Variants in GGA2 observed in about 807,000 individuals in gnomAD.
GGA2 encodes the protein golgi associated, gamma adaptin ear containing, ARF binding protein 2, also known as ADP-ribosylation factor-binding protein GGA2.
Under a neutral mutation model 79.5 loss-of-function variants are expected in GGA2, and 48 were observed. The ratio of observed to expected loss-of-function variants is 0.60; its 90% CI spans 0.48 to 0.77. GGA2 has a LOEUF of 0.77. Ranked by LOEUF, GGA2 falls within the 30% of genes least tolerant of loss-of-function variation. The pLI, the probability that GGA2 is intolerant of heterozygous loss-of-function variation, is 0.00. For synonymous variants in GGA2, 317 were observed against 302.0 expected, an observed-to-expected ratio of 1.05 and a Z score of -0.51; for missense variants, 770 against 774.0, an observed-to-expected ratio of 0.99 and a Z score of 0.06.
intron 1 of GGA2, among the ~76,000 whole-genome samples, chr16:23,507,752 A>G (rs1317605371): frequency 1.3e-5 from 2 of 152,186 alleles, no homozygotes; most frequent in African/African-American, 4.8e-5. Context: ...GAGAGCCGAG[A>G]TGGCACCACT....
chr16:23,506,463 G>A (rs1964974816), intron 1 of GGA2, among the ~76,000 whole-genome samples: 1 of 152,176 alleles, frequency 6.6e-6, no homozygotes, highest in Admixed American at 6.5e-5. Flanking sequence ...TCAGCGGGGA[G>A]ATGGGTAGGA....
At chr16:23,490,754 G>T (rs929255705) in intron 5 of GGA2, among the ~76,000 whole-genome samples, 2 of 149,296 alleles carry the variant, frequency 1.3e-5, no homozygotes, top group Admixed American at 1.3e-4. Flanking sequence ...AAAAAAAAAA[G>T]AAGTAAATAA....
At chr16:23,486,236 TGA>T in intron 7 of GGA2, 84 bp from the exon 8 acceptor site, 3 of 1,269,132 alleles carry the variant, frequency 2.4e-6, no homozygotes, top group South Asian at 1.3e-5. Flanking sequence ...GAGTCACTAT[TGA>T]GAGAGCTCGC....
intron 1 of GGA2, among the ~76,000 whole-genome samples, chr16:23,505,296 C>T (rs924325065): frequency 8.5e-5 from 13 of 152,138 alleles, no homozygotes; most frequent in African/African-American, 1.4e-4. Context: ...TCCCTGGTAG[C>T]GCTACCAGAG....
chr16:23,465,259 A>G lies in GGA2; in HGVS notation c.*2331T>C, dbSNP rs1309527581. On this transcript the variant is annotated 3_prime_UTR_variant, in exon 17 of 17. Coordinates refer to ENST00000309859, the MANE Select transcript of GGA2 (RefSeq NM_015044.4). ...CTCAGCCTCCCAAAATGCTGGGATT[A>G]TAGGCGTGAGCCACTGTGCACAGCC... is the stretch of plus-strand genomic sequence containing the variant. 1 of 686,978 alleles carries G rather than the reference A, an allele frequency of 1.5e-6. No individual in the cohort carries two copies. Among genetic ancestry groups the G allele is most frequent in the Non-Finnish European group, 2.7e-6 (1 of 376,566 alleles). The allele number at this position is 686,978 out of a possible 1,614,324, so 42.6% of individuals were successfully genotyped here.
chr16:23,510,516 T>G (rs1596998795), upstream of GGA2: 1 of 434,096 alleles, frequency 2.3e-6, no homozygotes, highest in Non-Finnish European at 3.8e-6. Flanking sequence ...GGTGGACACG[T>G]GACGGGGCGG....
In GGA2 at chr16:23,495,561, T is replaced by C. The variant is rs563166094; in HGVS notation, c.176+133A>G. 881 of 470,332 alleles carry C rather than the reference T, an allele frequency of 1.9e-3. 3 individuals carry two copies. The highest frequency in any genetic ancestry group is 2.7e-3 in the Non-Finnish European group (699 of 261,538). The allele number at this position is 470,332 out of a possible 1,614,324, so 29.1% of individuals were successfully genotyped here. A position where few individuals can be genotyped will look rare whatever the true frequency, so the allele number is the denominator to read the frequency against. On this transcript the variant is annotated intron_variant, in intron 2 of 16. Coordinates refer to ENST00000309859, the MANE Select transcript of GGA2 (RefSeq NM_015044.4). ...ATCCTCCTGCCTTGGTCTCCCAAAC[T>C]GTTGGGATTATAGGCATGAGCCACC...
At position 23,463,681 on chromosome 16, in the gene GGA2, A is replaced by G. The variant is rs1964401004; in HGVS notation, c.*3909T>C. 6.6e-6 allele frequency: 1 copy of G among 152,230 alleles called. No homozygotes were observed. Among genetic ancestry groups the G allele is most frequent in the Admixed American group, 6.6e-5 (1 of 15,260 alleles). The allele number at this position is 152,230 out of a possible 1,614,324, so 9.4% of individuals were successfully genotyped here. On this transcript the variant is annotated 3_prime_UTR_variant, in exon 17 of 17. Transcript: ENST00000309859. Reference sequence around the variant, plus strand: ...CATCTTGGTGCATCGCTTGGCTTTAAAACAAACTGGGGTCAGGACATGGTG... The same window carrying G: ...CATCTTGGTGCATCGCTTGGCTTTAGAACAAACTGGGGTCAGGACATGGTG...
chr16:23,493,140 G>A (rs904148966), intron 4 of GGA2, among the ~76,000 whole-genome samples: 1 of 152,220 alleles, frequency 6.6e-6, no homozygotes, highest in Non-Finnish European at 1.5e-5. Context: ...CGTTCCCCAG[G>A]CCTTCTTAAA....
rs192700930 is a variant in GGA2, at chr16:23,483,309, C to A, written c.799-305G>T. The stretch of plus-strand genomic sequence containing the variant: ...ATCACCTGAAGTCAGGAGTTCAAGA[C>A]CAGCCTGGCCAACATGGTGAAACCC... On this transcript the variant is annotated intron_variant, in intron 8 of 16. Coordinates refer to ENST00000309859, the MANE Select transcript of GGA2 (RefSeq NM_015044.4). Among the ~76,000 whole-genome samples the A allele has an allele frequency of 3.1e-3, 472 of 152,276 alleles. 1 individual carries two copies. Among genetic ancestry groups the A allele is most frequent in the Non-Finnish European group, 5.2e-3 (352 of 68,004 alleles).
chr16:23,523,809 A>G (rs1277118490), upstream of GGA2: 1 of 122,678 alleles, frequency 8.2e-6, no homozygotes, highest in Non-Finnish European at 1.7e-5. Context: ...TGTTCTTAGA[A>G]GAGGAACGTT....
intron 3 of GGA2, 76 bp downstream of exon 3, chr16:23,494,227 G>T: frequency 1.1e-6 from 1 of 943,536 alleles, no homozygotes; most frequent in Non-Finnish European, 1.8e-6. Flanking sequence ...AAGGATCTGT[G>T]TGGAAGCAAA....
At chr16:23,498,988 A>T (rs1964888465) in intron 1 of GGA2, among the ~76,000 whole-genome samples, 1 of 152,088 alleles carries the variant, frequency 6.6e-6, no homozygotes, top group Non-Finnish European at 1.5e-5. Flanking sequence ...CTGGAGGGAG[A>T]GAAGAGCAGA....
At chr16:23,486,823 C>G (rs910516833) in intron 6 of GGA2, 33 bp from the exon 7 acceptor site, 1 of 1,235,096 alleles carries the variant, frequency 8.1e-7, no homozygotes, top group Non-Finnish European at 1.2e-6. Context: ...GTAGGTGAGA[C>G]CACAACTCCC....
At chr16:23,510,906 C>CGT (rs150030103), upstream of GGA2, among the ~76,000 whole-genome samples, 532 of 48,850 alleles carry the variant, frequency 0.011, 21 homozygotes, top group East Asian at 0.017. Flanking sequence ...TGGGTTTCAC[C>CGT]GTGTGTGTGT....
At chr16:23,468,737 G>A (rs1315183854) in intron 16 of GGA2, 149 bp downstream of exon 16, 1 of 539,844 alleles carries the variant, frequency 1.9e-6, no homozygotes, top group South Asian at 2.2e-5. Flanking sequence ...GCCTCCCAAA[G>A]TGCTGGGATT....
intron 2 of GGA2, among the ~76,000 whole-genome samples, chr16:23,518,383 A>AT (rs1487431456): frequency 1.3e-5 from 2 of 151,680 alleles, no homozygotes; most frequent in East Asian, 1.9e-4. Context: ...TAATTTCTGT[A>AT]TTTTTTTGTA....
At chr16:23,480,354 T>C (rs1567361569) in intron 10 of GGA2, 7 of 354,610 alleles carry the variant, frequency 2.0e-5, no homozygotes, top group Non-Finnish European at 2.1e-5. Flanking sequence ...AGGAAGATCA[T>C]TTCTTTTGTC....
chr16:23,506,255 C>A (rs1201787348), intron 1 of GGA2, among the ~76,000 whole-genome samples: 1 of 152,172 alleles, frequency 6.6e-6, no homozygotes, highest in Non-Finnish European at 1.5e-5. Flanking sequence ...CTTGGCCATA[C>A]TATCAATCCC....
Sources: gnomAD v4.1 joint callset for allele counts (sites outside exome capture counted in the v4.1 genomes callset) on GRCh38, gnomAD v4.1.1 for gene constraint, MANE v1.5 for transcripts, NCBI Gene and HGNC (gene_info 2026-07-23, HGNC 2026-07-21) for gene names.